The following KALRN variants were observed in gnomAD, a reference collection of about 807,000 sequenced individuals.
The protein encoded by KALRN is kalirin.
KALRN carries 70 observed loss-of-function variants against 353.7 expected under a neutral mutation model. The ratio of observed to expected loss-of-function variants is 0.20; its 90% CI spans 0.16 to 0.24. The LOEUF is 0.24. Among genes scored for constraint, KALRN ranks in the 10% least tolerant of loss-of-function variants. KALRN has a pLI of 1.00. For synonymous variants in KALRN, 1,391 were observed against 1,434.8 expected (o/e 0.97, Z 0.69); for missense variants, 2,791 against 3,756.7 (o/e 0.74, Z 6.72).
chr3:124,215,850 A>C (rs1242004676), intron 1 of KALRN, among the ~76,000 whole-genome samples: 1 of 151,958 alleles, frequency 6.6e-6, no homozygotes, highest in Admixed American at 6.6e-5. Flanking sequence ...CACTAGGAAC[A>C]CTCCAGAAAC....
intron 21 of KALRN, among the ~76,000 whole-genome samples, chr3:124,447,726 G>C (rs1379838421): frequency 2.0e-5 from 3 of 152,184 alleles, no homozygotes; most frequent in Non-Finnish European, 4.4e-5. Context: ...ATGTTCCTCT[G>C]GTTTGGTGTG....
chr3:124,624,404 A>G (rs2079691767), intron 34 of KALRN, among the ~76,000 whole-genome samples: 1 of 152,244 alleles, frequency 6.6e-6, no homozygotes, highest in South Asian at 2.1e-4. Context: ...TATCATAGGT[A>G]CACATGTATA....
intron 34 of KALRN, among the ~76,000 whole-genome samples, chr3:124,565,011 G>A (rs983177287): frequency 1.7e-4 from 26 of 152,240 alleles, no homozygotes; most frequent in African/African-American, 6.3e-4. Flanking sequence ...GGTCAGCATG[G>A]AGACCTGCTG....
At chr3:124,309,324 A>G (rs1206799327) in intron 6 of KALRN, among the ~76,000 whole-genome samples, 2 of 152,132 alleles carry the variant, frequency 1.3e-5, no homozygotes, top group East Asian at 3.8e-4. Flanking sequence ...ATCCAGATAA[A>G]TCTGTCACAC....
chr3:124,651,016 G>A (rs571610003), intron 38 of KALRN, 78 bp downstream of exon 38: 8 of 1,549,670 alleles, frequency 5.2e-6, no homozygotes, highest in South Asian at 3.5e-5. Context: ...GGGAAAATTC[G>A]AGAGGGGTTC....
Position 124,661,839 on chromosome 3 carries a change from T to A in KALRN, c.6268-12T>A, listed in dbSNP as rs536770343. The A allele has an allele frequency of 1.2e-6, 2 of 1,612,152 alleles. No homozygotes were observed. The highest frequency in any genetic ancestry group is 1.7e-5 in the Admixed American group (1 of 60,030). On this transcript the variant is annotated splice_polypyrimidine_tract_variant and intron_variant, in intron 44 of 59. Transcript: ENST00000682506. ...GTTCCCCCTCCTGAGTAACAGTTGT[T>A]CTTTCCCACAGAAAGCAGTGGAGTT...
intron 51 of KALRN, among the ~76,000 whole-genome samples, chr3:124,687,193 A>ATCAGGGCATAT (rs2061602730): frequency 1.3e-5 from 2 of 152,164 alleles, no homozygotes. Flanking sequence ...TCAGGGCATA[A>ATCAGGGCATAT]TCAGGGCCAA....
chr3:124,260,437 C>T (rs533881768), intron 3 of KALRN, among the ~76,000 whole-genome samples: 39 of 152,258 alleles, frequency 2.6e-4, no homozygotes, highest in African/African-American at 9.4e-4. Flanking sequence ...GTGAACACCC[C>T]AGCTCACACA....
At chr3:124,298,124 G>T (rs1388680659) in intron 5 of KALRN, among the ~76,000 whole-genome samples, 1 of 152,184 alleles carries the variant, frequency 6.6e-6, no homozygotes, top group East Asian at 1.9e-4. Context: ...AAGTATGTGG[G>T]CTGCCTGGAA....
chr3:124,291,573 T>C (rs2076423383), intron 5 of KALRN, among the ~76,000 whole-genome samples: 2 of 152,120 alleles, frequency 1.3e-5, no homozygotes, highest in Non-Finnish European at 1.5e-5. Context: ...CTGTTCTAGA[T>C]TGTGAGGAAC....
At chr3:124,701,933 G>T in intron 56 of KALRN, 105 bp from the exon 57 acceptor site, 1 of 787,044 alleles carries the variant, frequency 1.3e-6, no homozygotes, top group South Asian at 1.5e-5. Flanking sequence ...TCCATATTTG[G>T]TCATGAGAAT....
chr3:124,685,013 G>A (rs821368), intron 51 of KALRN, among the ~76,000 whole-genome samples: 104,615 of 151,928 alleles, frequency 0.69, 36,588 homozygotes, highest in East Asian at 0.9. Context: ...CCGGCCAGAC[G>A]GATTGAAGGA....
At chr3:124,651,068 A>T in intron 38 of KALRN, 130 bp downstream of exon 38, 1 of 1,144,234 alleles carries the variant, frequency 8.7e-7, no homozygotes, top group South Asian at 1.5e-5. Flanking sequence ...TAAGACTCAG[A>T]TCTGTACAGC....
rs563085225 is a variant in KALRN, at chr3:124,268,832, T to C, written c.546T>C (p.His182=). 3 of 1,614,032 alleles carry C rather than the reference T, an allele frequency of 1.9e-6. No individual in the cohort carries two copies. The highest frequency in any genetic ancestry group is 2.5e-6 in the Non-Finnish European group (3 of 1,179,980). ...TTGATGGCTCCCTGGACTACAACCA[T>C]GAGGAGTGGATCGAACTGCGGCTCT... The part of the protein sequence containing the change: ...EEFDGSLDYN[H]EEWIELRLSL... Residue 182 remains histidine, a synonymous_variant, in exon 5 of 60, where the codon CAT becomes CAC. Transcript: ENST00000682506.
At chr3:124,389,388 A>G (rs945286990) in intron 11 of KALRN, among the ~76,000 whole-genome samples, 3 of 152,202 alleles carry the variant, frequency 2.0e-5, no homozygotes, top group Non-Finnish European at 2.9e-5. Flanking sequence ...ATTTACTCTA[A>G]TGAGTATCAG....
chr3:124,408,333 T>C (rs1000868306), intron 13 of KALRN, among the ~76,000 whole-genome samples: 3 of 152,152 alleles, frequency 2.0e-5, no homozygotes, highest in Non-Finnish European at 4.4e-5. Flanking sequence ...GAAGTGAGAA[T>C]AGTAAAAAGA....
rs752573214 is a variant in KALRN at position 124,679,467 on chromosome 3, A to G, written c.7327A>G (p.Ser2443Gly). The G allele has an allele frequency of 1.2e-6, 2 of 1,613,614 alleles. No individual in the cohort carries two copies. The highest frequency in any genetic ancestry group is 2.2e-5 in the South Asian group (2 of 90,996). The change falls in exon 51 of 60, where the codon AGT becomes GGT. Residue 2443 changes from serine to glycine, a missense_variant. Ser to Gly is a moderately conservative substitution (Grantham distance 56). Transcript: ENST00000682506. ...CATGCTGCCAATCAAGGAGACGAAC[A>G]GTTCCGAGGAATCAGAGTGTGATGA... ...GNKVSVKETN[S>G]SEESECDDLD... is the part of the protein sequence containing the mutation.
intron 6 of KALRN, among the ~76,000 whole-genome samples, chr3:124,312,991 A>AT (rs764032584): frequency 1.3e-5 from 2 of 152,196 alleles, no homozygotes; most frequent in Non-Finnish European, 2.9e-5. Context: ...AACCCTGAAC[A>AT]CTATTTGAGC....
At chr3:124,204,032 C>T (rs772191206) in intron 1 of KALRN, among the ~76,000 whole-genome samples, 36 of 152,176 alleles carry the variant, frequency 2.4e-4, no homozygotes, top group Non-Finnish European at 4.4e-5. Flanking sequence ...TTGGTATACG[C>T]GGAGGTCCTG....
Sources: gnomAD v4.1 joint callset for allele counts (sites outside exome capture counted in the v4.1 genomes callset) on GRCh38, gnomAD v4.1.1 for gene constraint, MANE v1.5 for transcripts, NCBI Gene and HGNC (gene_info 2026-07-23, HGNC 2026-07-21) for gene names.